ZFYVE28: variants seen among roughly 807,000 people sequenced by gnomAD.
ZFYVE28 encodes the protein zinc finger FYVE-type containing 28, also known as lateral signaling target protein 2 homolog.
ZFYVE28 carries 40 observed loss-of-function variants against 82.1 expected under a neutral mutation model. That is an observed-to-expected ratio of 0.49 (90% confidence interval 0.38 to 0.63). ZFYVE28 has a LOEUF of 0.63. Among genes scored for constraint, ZFYVE28 ranks in the 30% least tolerant of loss-of-function variants. The pLI, the probability that ZFYVE28 is intolerant of heterozygous loss-of-function variation, is 0.00. For synonymous variants in ZFYVE28, 612 were observed against 546.1 expected, an observed-to-expected ratio of 1.12 and a Z score of -1.68; for missense variants, 1,321 against 1,242.1, an observed-to-expected ratio of 1.06 and a Z score of -0.96.
chr4:2,270,736 C>G lies in ZFYVE28; in HGVS notation c.2653G>C (p.Ala885Pro). The G allele has an allele frequency of 6.2e-7, 1 of 1,613,150 alleles. No homozygotes were observed. Among genetic ancestry groups the G allele is most frequent in the Non-Finnish European group, 8.5e-7 (1 of 1,179,904 alleles). The change falls in exon 13 of 13, where the codon GCC becomes CCC. Residue 885 changes from alanine (A) to proline (P), a missense_variant. Physicochemically the swap from Ala to Pro is conservative, Grantham distance 27. Around this residue, in one of 2 missense-constraint regions of ZFYVE28, gnomAD observed 978 missense variants for 833.7 expected, o/e 1.17. Transcript: ENST00000290974. ...CCCCTGGCACCACGTCACAGGCCGG[C>G]CTTGTCGCTGTAGAAGGGCGTGACA... ...FHVTPFYSDK[A>P]GL
intron 2 of ZFYVE28, among the ~76,000 whole-genome samples, chr4:2,344,182 G>T (rs1723193700): frequency 6.6e-6 from 1 of 152,220 alleles, no homozygotes; most frequent in African/African-American, 2.4e-5. Context: ...GAGAGCAGGA[G>T]GCAGAGAAGA....
Position 2,313,117 on chromosome 4 carries a change from GTTT to G in ZFYVE28, c.803+7050_803+7052del, listed in dbSNP as rs984303342. On this transcript the variant is annotated intron_variant, in intron 7 of 12. Transcript: ENST00000290974. ...TGGGGATTTTTCCAGGTTTTTCCAG[GTTT>G]TTTTTTTTTTTTGATACCTGGCTCA... Among the ~76,000 whole-genome samples the G allele has an allele frequency of 2.9e-5, 4 of 139,746 alleles. No homozygotes were observed. In the South Asian group the frequency reaches 9.1e-4, roughly 32 times the overall value. The allele number at this position is 139,746 out of a possible 152,430, so 91.7% of individuals were successfully genotyped here.
intron 6 of ZFYVE28, chr4:2,328,701 AC>A (rs1272159073): frequency 6.2e-6 from 1 of 162,138 alleles, no homozygotes; most frequent in Non-Finnish European, 1.3e-5. Flanking sequence ...AAAAAAAAAT[AC>A]CTTCACAGCA....
At chr4:2,369,058 C>T (rs548633109) in intron 1 of ZFYVE28, among the ~76,000 whole-genome samples, 9 of 152,200 alleles carry the variant, frequency 5.9e-5, no homozygotes, top group Non-Finnish European at 1.0e-4. Context: ...TCTCATTTTC[C>T]CAATGGCTGA....
Position 2,320,380 on chromosome 4 carries a change from C to T in ZFYVE28, c.702-109G>A, listed in dbSNP as rs993274432. The stretch of plus-strand genomic sequence containing the variant: ...AACCACGCCCGCTGGGACTCTGCAG[C>T]GCCACTGTCCCAGCACGGCCGCCGC... On this transcript the variant is annotated intron_variant, in intron 6 of 12. Coordinates refer to ENST00000290974, the MANE Select transcript of ZFYVE28 (RefSeq NM_020972.3). The surrounding 1 kb of genome is among the most constrained non-coding windows in gnomAD (Gnocchi z 5.1). The T allele has an allele frequency of 7.2e-5, 62 of 863,522 alleles. No individual in the cohort carries two copies. The highest frequency in any genetic ancestry group is 5.4e-4 in the South Asian group (32 of 59,354). The allele number at this position is 863,522 out of a possible 1,614,324, so 53.5% of individuals were successfully genotyped here. A position where few individuals can be genotyped will look rare whatever the true frequency, so the allele number is the denominator to read the frequency against.
rs557996115 is a variant in ZFYVE28 at position 2,391,826 on chromosome 4, C to T, written c.39+26459G>A. ...TCTCAGCTCACTACAACCTCAGCCTCCTGGCTTCAAGCGATTCCCCTGCCT... is the reference window on the plus strand; with the variant it reads ...TCTCAGCTCACTACAACCTCAGCCTTCTGGCTTCAAGCGATTCCCCTGCCT... On this transcript the variant is annotated intron_variant, in intron 1 of 12. Coordinates refer to ENST00000290974, the MANE Select transcript of ZFYVE28 (RefSeq NM_020972.3). 4.6e-5 allele frequency among the ~76,000 whole-genome samples: 7 copies of T among 150,946 alleles called. No individual in the cohort carries two copies. The South Asian group carries it at 1.5e-3, about 32-fold the overall frequency.
At chr4:2,364,830 C>T (rs1365717309) in intron 1 of ZFYVE28, 1 of 985,528 alleles carries the variant, frequency 1.0e-6, no homozygotes. Flanking sequence ...CTGTGTTCCG[C>T]GATACCGCGA....
In ZFYVE28 at chr4:2,320,092, G is replaced by T; in HGVS notation, c.803+78C>A. 1.4e-6 allele frequency: 2 copies of T among 1,396,582 alleles called. No homozygotes were observed. The highest frequency in any genetic ancestry group is 1.0e-6 in the Non-Finnish European group (1 of 993,518). 86.5% of individuals were successfully genotyped at this position (1,396,582 alleles called of 1,614,324 possible). On this transcript the variant is annotated intron_variant, in intron 7 of 12. Transcript: ENST00000290974. The surrounding 1 kb of genome is among the most constrained non-coding windows in gnomAD (Gnocchi z 5.1). ...AGAGGAGGAGGACCTGGAGGCGGCG[G>T]CTAAACATGACTTCAGCGCCCACCT...
intron 8 of ZFYVE28, among the ~76,000 whole-genome samples, chr4:2,283,119 C>T (rs116654551): frequency 6.2e-4 from 23 of 36,854 alleles, no homozygotes; most frequent in African/African-American, 4.3e-3. Flanking sequence ...CATCCACCCA[C>T]CCACCCACTC....
At chr4:2,345,945 T>C (rs1723475661) in intron 2 of ZFYVE28, among the ~76,000 whole-genome samples, 1 of 151,894 alleles carries the variant, frequency 6.6e-6, no homozygotes, top group Non-Finnish European at 1.5e-5. Context: ...CCAGCAAAAA[T>C]ATCTTTCAAA....
chr4:2,407,413 G>C (rs1410271251), intron 1 of ZFYVE28, among the ~76,000 whole-genome samples: 1 of 151,840 alleles, frequency 6.6e-6, no homozygotes, highest in South Asian at 2.1e-4. Context: ...TGTCCCCTTA[G>C]GCCCCTCAGA....
chr4:2,396,070 C>A (rs189153977), intron 1 of ZFYVE28, among the ~76,000 whole-genome samples: 1,987 of 139,346 alleles, frequency 0.014, 102 homozygotes, highest in African/African-American at 0.051. Flanking sequence ...CAGAGGGGAC[C>A]CAAGGCGGGG....
At chr4:2,356,138 C>T (rs1419728268) in intron 1 of ZFYVE28, among the ~76,000 whole-genome samples, 4 of 152,198 alleles carry the variant, frequency 2.6e-5, no homozygotes, top group African/African-American at 9.7e-5. Context: ...CTGGCCCAGA[C>T]CCCTGGGGTG....
chr4:2,358,630 C>T (rs1725682042), intron 1 of ZFYVE28, among the ~76,000 whole-genome samples: 1 of 152,152 alleles, frequency 6.6e-6, no homozygotes, highest in Non-Finnish European at 1.5e-5. Flanking sequence ...CACAGACTGC[C>T]CTGCCAGGCC....
chr4:2,402,073 G>A (rs1731244420), intron 1 of ZFYVE28, among the ~76,000 whole-genome samples: 1 of 152,214 alleles, frequency 6.6e-6, no homozygotes, highest in Non-Finnish European at 1.5e-5. Flanking sequence ...CGGCTGTGGA[G>A]GGACAGTGGT....
At chr4:2,355,154 C>A (rs1039231849) in intron 1 of ZFYVE28, among the ~76,000 whole-genome samples, 1 of 133,676 alleles carries the variant, frequency 7.5e-6, no homozygotes, top group Admixed American at 8.2e-5. Context: ...ATCAGAGTTT[C>A]GAGGATTCAA....
intron 6 of ZFYVE28, chr4:2,328,402 TG>T (rs948345162): frequency 6.6e-6 from 1 of 152,150 alleles, no homozygotes; most frequent in African/African-American, 2.4e-5. Flanking sequence ...GCTGGGGGTG[TG>T]GGGAATGGCC....
chr4:2,305,970 G>C (rs1161212462), intron 7 of ZFYVE28, among the ~76,000 whole-genome samples: 3 of 152,234 alleles, frequency 2.0e-5, no homozygotes, highest in African/African-American at 7.2e-5. Context: ...AGGACACGAG[G>C]AAGAAGGCAG....
chr4:2,322,448 G>C (rs535999681), intron 6 of ZFYVE28, among the ~76,000 whole-genome samples: 129 of 151,594 alleles, frequency 8.5e-4, no homozygotes, highest in African/African-American at 3.0e-3. Flanking sequence ...TGGCAGGCTG[G>C]ATCCTGGGGT....
Sources: allele counts gnomAD v4.1 joint callset (sites outside exome capture counted in the v4.1 genomes callset), GRCh38; gene constraint gnomAD v4.1.1; regional missense constraint gnomAD v4.1.1; non-coding constraint Gnocchi (gnomAD v3.1); transcripts MANE v1.5; gene names NCBI Gene and HGNC (gene_info 2026-07-23, HGNC 2026-07-21).